Variants in CCDC30 observed in about 807,000 individuals in gnomAD.
The protein encoded by CCDC30 is coiled-coil domain containing 30.
Under a neutral mutation model 100.2 loss-of-function variants are expected in CCDC30, and 70 were observed. The ratio of observed to expected loss-of-function variants is 0.70; its 90% CI spans 0.58 to 0.85. The LOEUF is 0.85. Ranked by LOEUF, CCDC30 falls within the 40% of genes least tolerant of loss-of-function variation. The pLI, the probability that CCDC30 is intolerant of heterozygous loss-of-function variation, is 0.00. For missense variants in CCDC30, 652 were observed against 771.2 expected (o/e 0.85, Z 1.83); for synonymous variants, 233 against 269.5 (o/e 0.86, Z 1.33).
At chr1:42,587,832 T>C (rs1646106280) in intron 9 of CCDC30, among the ~76,000 whole-genome samples, 1 of 152,178 alleles carries the variant, frequency 6.6e-6, no homozygotes, top group South Asian at 2.1e-4. Context: ...AGAAAACTCT[T>C]TTCACAAACT....
chr1:42,604,762 T>C (rs560724669), intron 10 of CCDC30, among the ~76,000 whole-genome samples: 1 of 152,280 alleles, frequency 6.6e-6, no homozygotes, highest in South Asian at 2.1e-4. Flanking sequence ...GAAGATCACA[T>C]ACTTGTGTCA....
intron 6 of CCDC30, among the ~76,000 whole-genome samples, chr1:42,530,563 C>T (rs2148513567): frequency 6.6e-6 from 1 of 152,218 alleles, no homozygotes; most frequent in East Asian, 1.9e-4. Flanking sequence ...TCACTCCCAG[C>T]ACTTTGGGAG....
At chr1:42,456,475 C>A in the CCDC30 span, 1 of 1,334,680 alleles carries the variant, frequency 7.5e-7, no homozygotes, top group Non-Finnish European at 9.9e-7. Flanking sequence ...ACCGCCCACT[C>A]AGTACGGCGC....
chr1:42,536,920 A>G, intron 6 of CCDC30: 1 of 362,176 alleles, frequency 2.8e-6, no homozygotes, highest in Non-Finnish European at 5.1e-6. Flanking sequence ...TAAAGGCACT[A>G]ACCCTATTGG....
intron 11 of CCDC30, among the ~76,000 whole-genome samples, chr1:42,634,065 C>T (rs1647095273): frequency 6.6e-6 from 1 of 152,014 alleles, no homozygotes; most frequent in African/African-American, 2.4e-5. Flanking sequence ...CAATTACCTC[C>T]CACCAGGTAT....
chr1:42,644,022 G>T (rs1433030489), intron 13 of CCDC30, among the ~76,000 whole-genome samples: 1 of 152,100 alleles, frequency 6.6e-6, no homozygotes, highest in African/African-American at 2.4e-5. Flanking sequence ...TCTTGTACAT[G>T]TATTTAATAA....
intron 6 of CCDC30, chr1:42,500,421 T>C (rs929909540): frequency 8.0e-6 from 6 of 747,534 alleles, no homozygotes; most frequent in African/African-American, 3.8e-5. Flanking sequence ...AGTTCTCTCT[T>C]TTTTTTTTTT....
chr1:42,499,083 G>T (rs979327033), intron 6 of CCDC30, among the ~76,000 whole-genome samples, 167 bp downstream of exon 6: 19 of 152,164 alleles, frequency 1.2e-4, no homozygotes, highest in Non-Finnish European at 2.1e-4. Context: ...GGCTACAGAG[G>T]ATGTGTTTCT....
At chr1:42,509,281 C>A (rs1050560807) in intron 6 of CCDC30, among the ~76,000 whole-genome samples, 2 of 152,082 alleles carry the variant, frequency 1.3e-5, no homozygotes, top group African/African-American at 4.8e-5. Context: ...GATAACCATC[C>A]CTCTTTCCTG....
intron 6 of CCDC30, chr1:42,538,038 T>A (rs72659959): frequency 0.14 from 20,181 of 142,376 alleles, 1,515 homozygotes; most frequent in East Asian, 0.2. Context: ...TTAAAAATCA[T>A]GCTGGGCACA....
chr1:42,538,521 G>A (rs1357683808), intron 6 of CCDC30, among the ~76,000 whole-genome samples: 2 of 152,124 alleles, frequency 1.3e-5, no homozygotes, highest in Non-Finnish European at 2.9e-5. Context: ...TTTGAGCCCA[G>A]GAGTTGAGGA....
At chr1:42,456,551 GC>G in the CCDC30 span, 4 of 1,454,868 alleles carry the variant, frequency 2.7e-6, no homozygotes, top group Non-Finnish European at 3.6e-6. Context: ...GCAGGCGCCG[GC>G]CGCTGCGCTG....
At chr1:42,494,543 G>A (rs1351561675) in intron 4 of CCDC30, among the ~76,000 whole-genome samples, 1 of 152,150 alleles carries the variant, frequency 6.6e-6, no homozygotes, top group Non-Finnish European at 1.5e-5. Flanking sequence ...CACAGCAGGA[G>A]AAACTACCAT....
intron 10 of CCDC30, among the ~76,000 whole-genome samples, chr1:42,601,895 A>T (rs1402898773): frequency 6.6e-6 from 1 of 152,230 alleles, no homozygotes; most frequent in Non-Finnish European, 1.5e-5. Context: ...AAGAATTCAA[A>T]ATGGCAGTTT....
intron 3 of CCDC30, 87 bp downstream of exon 3, chr1:42,482,903 ACACTG>A: frequency 1.2e-6 from 1 of 858,498 alleles, no homozygotes; most frequent in Non-Finnish European, 1.5e-6. Context: ...AAAAAAAAAA[ACACTG>A]AGAAACAAGT....
intron 6 of CCDC30, among the ~76,000 whole-genome samples, 162 bp from the exon 7 acceptor site, chr1:42,536,314 G>A (rs534845162): frequency 6.6e-6 from 1 of 152,200 alleles, no homozygotes; most frequent in African/African-American, 2.4e-5. Flanking sequence ...GTAAATTAAG[G>A]CTTAGAGAGA....
rs143423178 is a variant in CCDC30 at position 42,627,352 on chromosome 1, T to C, written c.1278-9885T>C. Among the ~76,000 whole-genome samples the C allele has an allele frequency of 3.7e-3, 557 of 152,292 alleles. 3 individuals are homozygous for C. Among genetic ancestry groups the C allele is most frequent in the African/African-American group, 0.013 (529 of 41,558 alleles). On this transcript the variant is annotated intron_variant, in intron 11 of 16. Transcript: ENST00000668663. ...CTTGGGTGCTGTTAAAAGCATTTCA[T>C]TTTAAAAGGAAAACAGAGCATAAAA... is the stretch of plus-strand genomic sequence containing the variant.
chr1:42,517,759 A>C (rs1393854716), intron 6 of CCDC30, among the ~76,000 whole-genome samples: 1 of 152,200 alleles, frequency 6.6e-6, no homozygotes, highest in Non-Finnish European at 1.5e-5. Flanking sequence ...CAAACATTTA[A>C]ATATCAAATA....
chr1:42,596,668 G>T lies in CCDC30; in HGVS notation c.1164+7185G>T, dbSNP rs1385598519. Reference sequence around the variant, plus strand: ...CACATCACTAACGGCCCATTTAACAGCAGTTTCCTCTACTCACTGCATCAT... The same window carrying T: ...CACATCACTAACGGCCCATTTAACATCAGTTTCCTCTACTCACTGCATCAT... On this transcript the variant is annotated intron_variant, in intron 10 of 16. Coordinates refer to ENST00000668663, the Ensembl canonical transcript of CCDC30. This position sits in a 1 kb window ranked among gnomAD's most constrained non-coding sequence, Gnocchi z 4.3. 1.3e-5 allele frequency among the ~76,000 whole-genome samples: 2 copies of T among 151,962 alleles called. No individual in the cohort carries two copies. The highest frequency in any genetic ancestry group is 4.8e-5 in the African/African-American group (2 of 41,376).
Sources: gnomAD v4.1 joint callset for allele counts (sites outside exome capture counted in the v4.1 genomes callset) on GRCh38, gnomAD v4.1.1 for gene constraint, Gnocchi (gnomAD v3.1) non-coding constraint, MANE v1.5 for transcripts, NCBI Gene and HGNC (gene_info 2026-07-23, HGNC 2026-07-21) for gene names.